Variants in KCNIP4 observed in about 807,000 individuals in gnomAD.
KCNIP4 encodes the protein Kv channel-interacting protein 4.
Under a neutral mutation model 34.0 loss-of-function variants are expected in KCNIP4, and 12 were observed. The observed-to-expected ratio is 0.35, with a 90% confidence interval of 0.23 to 0.57. The LOEUF (loss-of-function observed/expected upper bound fraction) is 0.57. Among genes scored for constraint, KCNIP4 ranks in the 20% least tolerant of loss-of-function variants. KCNIP4 has a pLI of 0.83. For synonymous variants in KCNIP4, 124 were observed against 102.2 expected, an observed-to-expected ratio of 1.21 and a Z score of -1.29; for missense variants, 238 against 311.7, an observed-to-expected ratio of 0.76 and a Z score of 1.78.
At chr4:20,800,925 A>G (rs1192345046) in intron 3 of KCNIP4, among the ~76,000 whole-genome samples, 2 of 152,226 alleles carry the variant, frequency 1.3e-5, no homozygotes. Flanking sequence ...ATTCAGATTC[A>G]CTTAGCTCCA....
intron 1 of KCNIP4, among the ~76,000 whole-genome samples, chr4:21,366,739 A>T (rs1425492410): frequency 6.6e-6 from 1 of 152,116 alleles, no homozygotes; most frequent in Admixed American, 6.6e-5. Flanking sequence ...CCAGTTAGAA[A>T]GCAGTAGAAT....
chr4:21,911,234 T>C (rs1416075187), intron 1 of KCNIP4, among the ~76,000 whole-genome samples: 4 of 152,156 alleles, frequency 2.6e-5, no homozygotes, highest in East Asian at 1.9e-4. Context: ...TATAAAAAGA[T>C]AGCCAACCCC....
intron 1 of KCNIP4, among the ~76,000 whole-genome samples, chr4:21,346,222 T>TAG (rs1165316900): frequency 1.0e-4 from 10 of 98,714 alleles, no homozygotes; most frequent in African/African-American, 3.0e-4. Context: ...ATATTATATA[T>TAG]AATTCTATAT....
At chr4:21,253,760 T>C (rs1269549926) in intron 1 of KCNIP4, among the ~76,000 whole-genome samples, 1 of 152,232 alleles carries the variant, frequency 6.6e-6, no homozygotes, top group Non-Finnish European at 1.5e-5. Context: ...CACATGTGCA[T>C]GTTAATAGCA....
chr4:21,108,474 T>C (rs1748802457), intron 1 of KCNIP4, among the ~76,000 whole-genome samples: 1 of 151,726 alleles, frequency 6.6e-6, no homozygotes, highest in Non-Finnish European at 1.5e-5. Flanking sequence ...CTTCTGTGTA[T>C]TGGTTATTCT....
chr4:20,878,177 C>T (rs1490032082), intron 2 of KCNIP4, among the ~76,000 whole-genome samples: 1 of 152,086 alleles, frequency 6.6e-6, no homozygotes, highest in Non-Finnish European at 1.5e-5. Flanking sequence ...TTTAGTCATT[C>T]TATGTACCTA....
intron 1 of KCNIP4, among the ~76,000 whole-genome samples, chr4:21,285,028 A>AGT (rs1226788506): frequency 6.6e-6 from 1 of 152,158 alleles, no homozygotes; most frequent in Non-Finnish European, 1.5e-5. Context: ...TTTTTCAGGC[A>AGT]GTGCCACATT....
rs1363138094 is a variant in KCNIP4, at chr4:20,728,812, T to G, written c.*1270A>C. On this transcript the variant is annotated 3_prime_UTR_variant, in exon 9 of 9. Coordinates refer to ENST00000382152, the MANE Select transcript of KCNIP4 (RefSeq NM_025221.6). ...CCTGATTTATTGTTGCAAAGACAGT[T>G]GCAAATTTCCTCCTTCTGTAGCCTC... The G allele has an allele frequency of 6.6e-6, 1 of 152,576 alleles. No homozygotes were observed. Among genetic ancestry groups the G allele is most frequent in the Non-Finnish European group, 1.5e-5 (1 of 68,004 alleles). The allele number at this position is 152,576 out of a possible 1,614,324, so 9.5% of individuals were successfully genotyped here.
intron 1 of KCNIP4, among the ~76,000 whole-genome samples, chr4:21,890,511 C>T (rs1231131831): frequency 6.6e-6 from 1 of 151,854 alleles, no homozygotes; most frequent in African/African-American, 2.4e-5. Flanking sequence ...GGAAAGGGAC[C>T]AGAAAATATC....
intron 1 of KCNIP4, among the ~76,000 whole-genome samples, chr4:21,462,731 AG>A (rs1729569555): frequency 2.2e-5 from 3 of 138,896 alleles, no homozygotes; most frequent in African/African-American, 8.0e-5. Context: ...CAAATGATAT[AG>A]GATTTTATTC....
intron 1 of KCNIP4, among the ~76,000 whole-genome samples, chr4:21,451,525 C>G (rs529905240): frequency 6.6e-6 from 1 of 152,186 alleles, no homozygotes; most frequent in East Asian, 1.9e-4. Context: ...ATGAAAAAAT[C>G]CCTATTTTTC....
chr4:21,098,380 T>C (rs1381990219), intron 1 of KCNIP4, among the ~76,000 whole-genome samples: 1 of 152,172 alleles, frequency 6.6e-6, no homozygotes, highest in Non-Finnish European at 1.5e-5. Context: ...TGTGGAGAAG[T>C]CAATGTCTGG....
chr4:21,190,324 T>C (rs1255850199), intron 1 of KCNIP4, among the ~76,000 whole-genome samples: 1 of 152,148 alleles, frequency 6.6e-6, no homozygotes, highest in African/African-American at 2.4e-5. Context: ...TCATTAGTAT[T>C]GGTTCGTTGG....
intron 1 of KCNIP4, among the ~76,000 whole-genome samples, chr4:21,381,632 T>G (rs1009150838): frequency 6.6e-6 from 1 of 152,242 alleles, no homozygotes; most frequent in Admixed American, 6.5e-5. Flanking sequence ...TATTGATTTA[T>G]TCTTAGTTTT....
At chr4:20,965,475 T>A (rs1734251815) in intron 1 of KCNIP4, among the ~76,000 whole-genome samples, 2 of 152,120 alleles carry the variant, frequency 1.3e-5, no homozygotes. Context: ...ACTTAAAAAA[T>A]TTCCCTCCAT....
At chr4:21,150,254 G>T (rs867756466) in intron 1 of KCNIP4, among the ~76,000 whole-genome samples, 1 of 152,196 alleles carries the variant, frequency 6.6e-6, no homozygotes, top group Non-Finnish European at 1.5e-5. Context: ...GAAAGTTTGA[G>T]ACTGATTTAA....
intron 1 of KCNIP4, among the ~76,000 whole-genome samples, chr4:21,080,653 A>G (rs1055826120): frequency 4.0e-5 from 6 of 151,878 alleles, no homozygotes; most frequent in Non-Finnish European, 7.4e-5. Context: ...ACTTTCATAC[A>G]TATTGAATCC....
At chr4:21,134,827 T>C (rs1293395894) in intron 1 of KCNIP4, among the ~76,000 whole-genome samples, 2 of 152,182 alleles carry the variant, frequency 1.3e-5, no homozygotes, top group African/African-American at 2.4e-5. Context: ...AGCCATATTG[T>C]GAGTCAACAC....
chr4:21,251,122 C>T (rs1395725537), intron 1 of KCNIP4, among the ~76,000 whole-genome samples: 1 of 151,678 alleles, frequency 6.6e-6, no homozygotes, highest in African/African-American at 2.4e-5. Context: ...TATGATACAG[C>T]CATATAATGG....
Sources: allele counts gnomAD v4.1 joint callset (sites outside exome capture counted in the v4.1 genomes callset), GRCh38; gene constraint gnomAD v4.1.1; transcripts MANE v1.5; gene names NCBI Gene and HGNC (gene_info 2026-07-23, HGNC 2026-07-21).